Variants in CDH13 observed in about 807,000 individuals in gnomAD.
The protein encoded by CDH13 is cadherin-13.
CDH13 carries 24 observed loss-of-function variants against 63.8 expected under a neutral mutation model. That is an observed-to-expected ratio of 0.38 (90% CI 0.27 to 0.53). The LOEUF (loss-of-function observed/expected upper bound fraction) is 0.53. Ranked by LOEUF, CDH13 falls within the 20% of genes least tolerant of loss-of-function variation. The probability of loss-of-function intolerance (pLI) is 0.85; values close to 1 mark genes in which losing one functional copy is unlikely to be tolerated. For synonymous variants in CDH13, 503 were observed against 355.3 expected, an observed-to-expected ratio of 1.42 and a Z score of -4.67; for missense variants, 1,049 against 903.1, an observed-to-expected ratio of 1.16 and a Z score of -2.07.
intron 1 of CDH13, among the ~76,000 whole-genome samples, chr16:82,667,915 T>C (rs1206006571): frequency 6.6e-6 from 1 of 152,212 alleles, no homozygotes; most frequent in African/African-American, 2.4e-5. Context: ...TAAAGCCTAA[T>C]ACAGTTTTTT....
intron 3 of CDH13, among the ~76,000 whole-genome samples, chr16:83,057,910 C>A (rs1185096144): frequency 6.6e-6 from 1 of 152,098 alleles, no homozygotes; most frequent in African/African-American, 2.4e-5. Context: ...TGGTAAGGTT[C>A]CTCCCTAATT....
At chr16:82,743,027 A>G (rs1488477652) in intron 1 of CDH13, among the ~76,000 whole-genome samples, 1 of 152,248 alleles carries the variant, frequency 6.6e-6, no homozygotes, top group African/African-American at 2.4e-5. Flanking sequence ...TTTATTATAA[A>G]ATATTGAAAT....
intron 1 of CDH13, chr16:82,705,065 C>G: frequency 2.2e-6 from 1 of 444,784 alleles, no homozygotes; most frequent in South Asian, 1.6e-5. Context: ...CTTGTAGACA[C>G]CAGTGAGGCC....
intron 2 of CDH13, among the ~76,000 whole-genome samples, chr16:82,975,035 C>T (rs907369974): frequency 3.9e-5 from 6 of 152,236 alleles, no homozygotes; most frequent in Admixed American, 1.3e-4. Flanking sequence ...GAAGTCCTCA[C>T]GTCTGCACAC....
intron 2 of CDH13, among the ~76,000 whole-genome samples, chr16:83,017,891 T>A (rs1048424354): frequency 6.6e-6 from 1 of 152,202 alleles, no homozygotes; most frequent in African/African-American, 2.4e-5. Flanking sequence ...AACCAAAGCT[T>A]AATGTTTTAC....
chr16:83,745,492 G>A (rs947596283), intron 10 of CDH13, among the ~76,000 whole-genome samples: 6 of 152,154 alleles, frequency 3.9e-5, no homozygotes, highest in African/African-American at 9.7e-5. Context: ...AGGAGAGGCT[G>A]GGAACACTCG....
At chr16:83,486,359 T>C (rs1395167888) in intron 6 of CDH13, 118 bp from the exon 7 acceptor site, 2 of 709,284 alleles carry the variant, frequency 2.8e-6, no homozygotes, top group African/African-American at 3.6e-5. Flanking sequence ...ACTTTTCTTT[T>C]TTAATTTGGA....
intron 7 of CDH13, among the ~76,000 whole-genome samples, chr16:83,500,256 T>TTCC (rs2074241279): frequency 7.0e-4 from 2 of 2,854 alleles, no homozygotes; most frequent in African/African-American, 9.2e-4. Context: ...CTTCTTCTTC[T>TTCC]TCTTCTTCTT....
intron 9 of CDH13, among the ~76,000 whole-genome samples, chr16:83,671,795 A>G (rs1160261702): frequency 6.6e-6 from 1 of 152,218 alleles, no homozygotes; most frequent in African/African-American, 2.4e-5. Context: ...CAACAAGTAG[A>G]ACAAGGAGGA....
chr16:82,836,871 A>C (rs1342067829), intron 1 of CDH13, among the ~76,000 whole-genome samples: 1 of 152,236 alleles, frequency 6.6e-6, no homozygotes, highest in Non-Finnish European at 1.5e-5. Flanking sequence ...TTTTTAGGAC[A>C]GAGTTATTCA....
At chr16:83,263,849 T>G (rs1907272271) in intron 5 of CDH13, among the ~76,000 whole-genome samples, 1 of 152,052 alleles carries the variant, frequency 6.6e-6, no homozygotes, top group African/African-American at 2.4e-5. Flanking sequence ...AGAGACACTG[T>G]GAACATCCCA....
intron 5 of CDH13, among the ~76,000 whole-genome samples, chr16:83,303,076 G>T (rs529918451): frequency 1.3e-5 from 2 of 152,194 alleles, no homozygotes; most frequent in Non-Finnish European, 2.9e-5. Context: ...GATGGCATCA[G>T]AGAGACAAGG....
chr16:82,852,169 A>G (rs2039519671), intron 1 of CDH13, among the ~76,000 whole-genome samples: 1 of 152,080 alleles, frequency 6.6e-6, no homozygotes, highest in Non-Finnish European at 1.5e-5. Flanking sequence ...TGCTTTGGAG[A>G]CAGTTGTGTC....
At chr16:82,747,501 C>T (rs969077495) in intron 1 of CDH13, among the ~76,000 whole-genome samples, 3 of 152,156 alleles carry the variant, frequency 2.0e-5, no homozygotes, top group African/African-American at 7.2e-5. Context: ...GGTCCCTGGA[C>T]CAGCAGCATC....
chr16:83,098,651 T>G (rs1181097125), intron 3 of CDH13, among the ~76,000 whole-genome samples: 1 of 152,200 alleles, frequency 6.6e-6, no homozygotes, highest in East Asian at 1.9e-4. Context: ...CAAATTTTAT[T>G]TTTCTTTGAG....
Position 83,162,299 on chromosome 16 carries a change from C to T in CDH13, c.483+36798C>T, listed in dbSNP as rs914382285. ...TAGCATCTTGTCGTCATCATTGTCA[C>T]GATGACAAAGATGCTTTCATGATGA... On this transcript the variant is annotated intron_variant, in intron 4 of 13. Coordinates refer to ENST00000567109, the MANE Select transcript of CDH13 (RefSeq NM_001257.5). Among the ~76,000 whole-genome samples the T allele has an allele frequency of 4.6e-5, 7 of 152,110 alleles. No individual in the cohort carries two copies. The South Asian group carries it at 6.2e-4, about 14-fold the overall frequency.
intron 2 of CDH13, among the ~76,000 whole-genome samples, chr16:82,987,645 A>C (rs982772724): frequency 6.6e-6 from 1 of 152,160 alleles, no homozygotes; most frequent in Non-Finnish European, 1.5e-5. Flanking sequence ...CCAAAGTGGT[A>C]GGATTACAGG....
intron 2 of CDH13, among the ~76,000 whole-genome samples, chr16:82,889,442 T>C (rs183161676): frequency 1.3e-5 from 2 of 152,296 alleles, no homozygotes; most frequent in East Asian, 3.9e-4. Context: ...GAAGAAAAAA[T>C]ACAAGTAGCA....
At chr16:83,080,885 T>TTTTTTG (rs1567810648) in intron 3 of CDH13, among the ~76,000 whole-genome samples, 1 of 120,472 alleles carries the variant, frequency 8.3e-6, no homozygotes, top group Non-Finnish European at 1.7e-5. Flanking sequence ...TTTTTTTTTT[T>TTTTTTG]TTTTTTTTTT....
Sources: allele counts gnomAD v4.1 joint callset (sites outside exome capture counted in the v4.1 genomes callset), GRCh38; gene constraint gnomAD v4.1.1; transcripts MANE v1.5; gene names NCBI Gene and HGNC (gene_info 2026-07-23, HGNC 2026-07-21).